Variants in TRMT13 observed in about 807,000 individuals in gnomAD.
TRMT13 encodes tRNA:m(4)X modification enzyme TRM13 homolog.
Under a neutral mutation model 55.9 loss-of-function variants are expected in TRMT13, and 45 were observed. The ratio of observed to expected loss-of-function variants is 0.80; its 90% CI spans 0.63 to 1.03. The LOEUF (loss-of-function observed/expected upper bound fraction) is 1.03. TRMT13 is among the 50% of genes least tolerant of loss of function. The pLI is 0.00. For missense variants in TRMT13, 513 were observed against 563.9 expected, an observed-to-expected ratio of 0.91 and a Z score of 0.91; for synonymous variants, 183 against 196.3, an observed-to-expected ratio of 0.93 and a Z score of 0.57.
At chr1:100,137,188 C>A in intron 3 of TRMT13, 103 bp downstream of exon 3, 2 of 990,254 alleles carry the variant, frequency 2.0e-6, no homozygotes, top group South Asian at 1.5e-5. Context: ...GGAACCCAAG[C>A]TCAGGAAATA....
Position 100,133,335 on chromosome 1 carries a change from TC to T in TRMT13, c.147+21del. 1 of 1,611,832 alleles carries T rather than the reference TC, an allele frequency of 6.2e-7. No homozygotes were observed. Among genetic ancestry groups the T allele is most frequent in the Non-Finnish European group, 8.5e-7 (1 of 1,178,932 alleles). On this transcript the variant is annotated intron_variant, in intron 1 of 10. Transcript: ENST00000370141. Reference sequence around the variant, plus strand: ...GCGGAGGTGTGGTATCGCCCTACTCTCTCAAGAGTCGGAAATAAGTATCCTG... The same window carrying T: ...GCGGAGGTGTGGTATCGCCCTACTCTTCAAGAGTCGGAAATAAGTATCCTG...
chr1:100,148,475 C>A, intron 10 of TRMT13, 149 bp downstream of exon 10: 1 of 1,069,900 alleles, frequency 9.3e-7, no homozygotes, highest in Non-Finnish European at 1.3e-6. Context: ...TTATTGTGGT[C>A]ATAAATATAA....
At chr1:100,136,733 T>C in intron 1 of TRMT13, 149 bp from the exon 2 acceptor site, 1 of 657,820 alleles carries the variant, frequency 1.5e-6, no homozygotes, top group Non-Finnish European at 2.5e-6. Flanking sequence ...GTTAAACCCT[T>C]GGGACCTGAT....
At chr1:100,134,501 T>C (rs1449945809) in intron 1 of TRMT13, among the ~76,000 whole-genome samples, 4 of 152,226 alleles carry the variant, frequency 2.6e-5, no homozygotes, top group Non-Finnish European at 5.9e-5. Flanking sequence ...CTCTCCATCA[T>C]AGTTGTAGTC....
At chr1:100,133,803 T>G (rs775856611) in intron 1 of TRMT13, among the ~76,000 whole-genome samples, 4 of 152,232 alleles carry the variant, frequency 2.6e-5, no homozygotes, top group Admixed American at 6.5e-5. Context: ...CCCAGCACTT[T>G]GGGAGGCCGA....
At chr1:100,137,222 G>A in intron 3 of TRMT13, 137 bp downstream of exon 3, 1 of 676,086 alleles carries the variant, frequency 1.5e-6, no homozygotes, top group Admixed American at 3.0e-5. Context: ...AAGAGATAGG[G>A]TCTCACTCTG....
intron 3 of TRMT13, 31 bp downstream of exon 3, chr1:100,137,116 G>T: frequency 1.9e-6 from 3 of 1,567,268 alleles, no homozygotes; most frequent in Non-Finnish European, 2.6e-6. Context: ...ATTGAATGGT[G>T]AAATGTGGTA....
Position 100,149,321 on chromosome 1 carries a change from CAG to C in TRMT13, c.*505_*506del. The C allele has an allele frequency of 6.5e-7, 1 of 1,539,610 alleles. No individual in the cohort carries two copies. The highest frequency in any genetic ancestry group is 8.7e-7 in the Non-Finnish European group (1 of 1,144,110). On this transcript the variant is annotated 3_prime_UTR_variant, in exon 11 of 11. Coordinates refer to ENST00000370141, the MANE Select transcript of TRMT13 (RefSeq NM_019083.3). Reference sequence around the variant, plus strand: ...GTGATTTTCTCAAATGCAGACAATTCAGAGATATTCACAATTAATAAACACAA... The same window carrying C: ...GTGATTTTCTCAAATGCAGACAATTCAGATATTCACAATTAATAAACACAA...
Position 100,140,461 on chromosome 1 carries a change from G to A in TRMT13, c.448G>A (p.Ala150Thr), listed in dbSNP as rs747274613. Residue 150 changes from alanine to threonine, a missense_variant, in exon 6 of 11, where the codon GCA becomes ACA. Around this residue, in one of 3 missense-constraint regions of TRMT13, gnomAD observed 298 missense variants for 290.3 expected, o/e 1.03. Transcript: ENST00000370141. ...TATGTCCCATCCAGCATTACACGATGCACTTAATGACCCTAAAAATGGCGA... is the reference window on the plus strand; with the variant it reads ...TATGTCCCATCCAGCATTACACGATACACTTAATGACCCTAAAAATGGCGA... ...HIMSHPALHD[A>T]LNDPKNGDSA... 1.2e-6 allele frequency: 2 copies of A among 1,614,016 alleles called. No homozygotes were observed. The highest frequency in any genetic ancestry group is 1.7e-6 in the Non-Finnish European group (2 of 1,179,958).
At chr1:100,142,841 A>C (rs2101734608) in intron 7 of TRMT13, 1 of 334,482 alleles carries the variant, frequency 3.0e-6, no homozygotes, top group Middle Eastern at 9.1e-4. Flanking sequence ...AAGATAAAGG[A>C]GCTAGTAGAC....
At chr1:100,135,453 C>T (rs182408835) in intron 1 of TRMT13, among the ~76,000 whole-genome samples, 5 of 152,234 alleles carry the variant, frequency 3.3e-5, no homozygotes, top group Non-Finnish European at 5.9e-5. Flanking sequence ...CTGAGAGGCA[C>T]ATTCGAACAG....
intron 1 of TRMT13, among the ~76,000 whole-genome samples, chr1:100,133,804 G>C (rs1324201073): frequency 6.6e-6 from 1 of 152,186 alleles, no homozygotes; most frequent in Non-Finnish European, 1.5e-5. Flanking sequence ...CCAGCACTTT[G>C]GGAGGCCGAG....
chr1:100,136,426 A>G (rs1204111365), intron 1 of TRMT13, among the ~76,000 whole-genome samples: 1 of 152,198 alleles, frequency 6.6e-6, no homozygotes. Flanking sequence ...TTGTATTAAA[A>G]CCATACATAA....
intron 9 of TRMT13, 66 bp from the exon 10 acceptor site, chr1:100,147,828 A>T: frequency 6.9e-7 from 1 of 1,452,344 alleles, no homozygotes; most frequent in South Asian, 1.4e-5. Context: ...ACTGCTTAAT[A>T]AATGTAAAAA....
intron 8 of TRMT13, 145 bp downstream of exon 8, chr1:100,143,354 A>G (rs1656849787): frequency 7.8e-6 from 4 of 513,856 alleles, no homozygotes; most frequent in Non-Finnish European, 1.4e-5. Context: ...GTTTTATATA[A>G]TGTTTTTAAA....
rs1657678418 is a variant in TRMT13, at chr1:100,149,089, C to T, written c.*269C>T. On this transcript the variant is annotated 3_prime_UTR_variant, in exon 11 of 11. Transcript: ENST00000370141. ...ATTGGTAAAGTAGTTGAACCGTTGACTTGGTGATCTGAAACATACATAACA... is the reference window on the plus strand; with the variant it reads ...ATTGGTAAAGTAGTTGAACCGTTGATTTGGTGATCTGAAACATACATAACA... 6.2e-7 allele frequency: 1 copy of T among 1,601,300 alleles called. No individual in the cohort carries two copies. Among genetic ancestry groups the T allele is most frequent in the African/African-American group, 1.3e-5 (1 of 74,410 alleles).
chr1:100,141,033 T>C lies in TRMT13; in HGVS notation c.669+14T>C, dbSNP rs1175657190. The stretch of plus-strand genomic sequence containing the variant: ...ACAAGATTCAAGGTAAGTGAAACCA[T>C]TGCTCTGTGTTAGTAACCAAACTTG... On this transcript the variant is annotated intron_variant, in intron 7 of 10. Transcript: ENST00000370141. 6.3e-7 allele frequency: 1 copy of C among 1,594,012 alleles called. No individual in the cohort carries two copies. Among genetic ancestry groups the C allele is most frequent in the Non-Finnish European group, 8.5e-7 (1 of 1,170,432 alleles).
At position 100,137,085 on chromosome 1, in the gene TRMT13, T is replaced by C. The variant is rs1380966972; in HGVS notation, c.261T>C (p.Pro87=). 6.2e-7 allele frequency: 1 copy of C among 1,610,770 alleles called. No homozygotes were observed. Among genetic ancestry groups the C allele is most frequent in the South Asian group, 1.1e-5 (1 of 90,748 alleles). Residue 87 remains proline (P), a splice_region_variant and synonymous_variant, in exon 3 of 11, where the codon CCT becomes CCC. Transcript: ENST00000370141. ...GTAACTCAAGAGAGAAACCAAAACC[T>C]GTAAGTGTTTGATCAGTAAAATTGA... ...KKCNSREKPK[P]DFYIQDINAG...
At position 100,139,640 on chromosome 1, in the gene TRMT13, T is replaced by G; in HGVS notation, c.262-9T>G. ...TTAACAGTTCTTTTATGGTTTTGTT[T>G]TTGTTAAGGATTTCTATATTCAAGA... On this transcript the variant is annotated splice_polypyrimidine_tract_variant and intron_variant, in intron 3 of 10. Transcript: ENST00000370141. The G allele has an allele frequency of 6.6e-7, 1 of 1,508,546 alleles. No homozygotes were observed. Among genetic ancestry groups the G allele is most frequent in the Non-Finnish European group, 9.1e-7 (1 of 1,092,938 alleles). The allele number at this position is 1,508,546 out of a possible 1,614,324, so 93.4% of individuals were successfully genotyped here. A position where few individuals can be genotyped will look rare whatever the true frequency, so the allele number is the denominator to read the frequency against.
Sources: allele counts gnomAD v4.1 joint callset (sites outside exome capture counted in the v4.1 genomes callset), GRCh38; gene constraint gnomAD v4.1.1; regional missense constraint gnomAD v4.1.1; transcripts MANE v1.5; gene names NCBI Gene and HGNC (gene_info 2026-07-23, HGNC 2026-07-21).